The following DNAH10 variants were observed in gnomAD, a reference collection of about 807,000 sequenced individuals.
DNAH10 encodes dynein axonemal heavy chain 10.
Under a neutral mutation model 506.6 loss-of-function variants are expected in DNAH10, and 348 were observed. That is an observed-to-expected ratio of 0.69 (90% CI 0.63 to 0.75). The LOEUF is 0.75. DNAH10 is among the 30% of genes least tolerant of loss of function. The probability of loss-of-function intolerance (pLI) is 0.00; values close to 1 mark genes in which losing one functional copy is unlikely to be tolerated. For missense variants in DNAH10, 5,179 were observed against 5,787.1 expected (o/e 0.89, Z 3.41); for synonymous variants, 2,059 against 2,198.6 (o/e 0.94, Z 1.78).
intron 18 of DNAH10, among the ~76,000 whole-genome samples, chr12:123,806,503 A>C (rs1304844067): frequency 6.6e-6 from 1 of 152,136 alleles, no homozygotes; most frequent in African/African-American, 2.4e-5. Context: ...CCTCACTTTG[A>C]TTTTAGGATC....
rs1157504176 is a variant in DNAH10, at chr12:123,847,250, CTAT to C, written c.5815-710_5815-708del. 5.2e-4 allele frequency among the ~76,000 whole-genome samples: 78 copies of C among 149,978 alleles called. 1 individual carries two copies. In the South Asian group the frequency reaches 0.014, roughly 28 times the overall value. On this transcript the variant is annotated intron_variant, in intron 32 of 78. Coordinates refer to ENST00000673944, the MANE Select transcript of DNAH10 (RefSeq NM_001372106.1). ...TCTATCTATCTATCTATCTATCTAT[CTAT>C]CTATCTATCTATCCATCCATCCATC...
At chr12:123,767,746 G>A in intron 2 of DNAH10, 57 bp downstream of exon 2, 1 of 1,460,452 alleles carries the variant, frequency 6.8e-7, no homozygotes, top group Non-Finnish European at 9.4e-7. Context: ...CCCCGCAGCG[G>A]GAGTAGGGTG....
intron 51 of DNAH10, among the ~76,000 whole-genome samples, chr12:123,884,249 G>T (rs999779380): frequency 6.6e-6 from 1 of 152,184 alleles, no homozygotes; most frequent in Non-Finnish European, 1.5e-5. Flanking sequence ...TGGCCAGGAT[G>T]GTCTTGAACT....
intron 17 of DNAH10, among the ~76,000 whole-genome samples, chr12:123,804,386 G>A (rs1347318765): frequency 2.0e-5 from 3 of 151,982 alleles, no homozygotes; most frequent in Non-Finnish European, 4.4e-5. Context: ...TTAGCTGGGC[G>A]TGGTGGTGGG....
chr12:123,864,502 A>G, intron 39 of DNAH10, 93 bp from the exon 40 acceptor site: 1 of 1,497,198 alleles, frequency 6.7e-7, no homozygotes, highest in Non-Finnish European at 8.9e-7. Flanking sequence ...AACCCTGGGA[A>G]AAAGACATTC....
At position 123,826,611 on chromosome 12, in the gene DNAH10, G is replaced by C. The variant is rs78811483; in HGVS notation, c.4180-76G>C. 2.2e-3 allele frequency: 2,956 copies of C among 1,324,020 alleles called. 40 individuals carry two copies. The African/African-American group carries it at 0.034, about 15-fold the overall frequency. 82.0% of individuals were successfully genotyped at this position (1,324,020 alleles called of 1,614,324 possible). On this transcript the variant is annotated intron_variant, in intron 24 of 78. Coordinates refer to ENST00000673944, the MANE Select transcript of DNAH10 (RefSeq NM_001372106.1). The stretch of plus-strand genomic sequence containing the variant: ...CTTTAAAATATCTGAACGTGACTAA[G>C]AGTCAAGAACTTGCTCTCCTTGTTG...
chr12:123,791,454 C>T (rs980029288), intron 11 of DNAH10, among the ~76,000 whole-genome samples: 4 of 152,220 alleles, frequency 2.6e-5, no homozygotes, highest in African/African-American at 9.6e-5. Context: ...TTTATATGCA[C>T]AACCCTAGAC....
At position 123,893,450 on chromosome 12, in the gene DNAH10, A is replaced by C. The variant is rs1026230014; in HGVS notation, c.9199+14A>C. The C allele has an allele frequency of 2.5e-6, 4 of 1,611,684 alleles. No homozygotes were observed. In the Admixed American group the frequency reaches 5.0e-5, roughly 20 times the overall value. On this transcript the variant is annotated intron_variant, in intron 53 of 78. Transcript: ENST00000673944. ...GAAACTTCCCAGGTACCCGCGGTGG[A>C]GCCTGTGAACCCATTTCCCCTGCTT...
intron 72 of DNAH10, 130 bp downstream of exon 72, chr12:123,929,889 C>CA (rs1955127822): frequency 2.6e-6 from 2 of 772,686 alleles, no homozygotes; most frequent in Non-Finnish European, 4.2e-6. Context: ...GTTTCTGTGA[C>CA]AATTCTCTCT....
At position 123,818,189 on chromosome 12, in the gene DNAH10, C is replaced by T. The variant is rs146082817; in HGVS notation, c.3781-761C>T. ...CTTGAACGCCTGACCTCAGGTGATC[C>T]GCCTGTCTCAGCCTCCCAAAGTGCT... On this transcript the variant is annotated intron_variant, in intron 21 of 78. Coordinates refer to ENST00000673944, the MANE Select transcript of DNAH10 (RefSeq NM_001372106.1). Among the ~76,000 whole-genome samples the T allele has an allele frequency of 1.8e-4, 28 of 152,194 alleles. No homozygotes were observed. In the East Asian group the frequency reaches 2.9e-3, roughly 16 times the overall value.
At chr12:123,880,406 C>T (rs994273122) in intron 50 of DNAH10, among the ~76,000 whole-genome samples, 6 of 152,162 alleles carry the variant, frequency 3.9e-5, no homozygotes, top group African/African-American at 1.4e-4. Flanking sequence ...GTGGTACGAT[C>T]ACGGCTCTCT....
rs1017259449 is a variant in DNAH10, at chr12:123,919,139, G to C, written c.11506+190G>C. ...CACCCAGGCTGGAATGCAGTGGTGC[G>C]ATCACGGCTCACTGCAACCTCCACC... On this transcript the variant is annotated intron_variant, in intron 65 of 78. Transcript: ENST00000673944. The surrounding 1 kb of genome is among the most constrained non-coding windows in gnomAD (Gnocchi z 4.9). 1.5e-6 allele frequency: 1 copy of C among 676,048 alleles called. No homozygotes were observed. The highest frequency in any genetic ancestry group is 3.0e-5 in the East Asian group (1 of 33,872). The allele number at this position is 676,048 out of a possible 1,614,324, so 41.9% of individuals were successfully genotyped here.
rs373874917 is a variant in DNAH10 at position 123,845,623 on chromosome 12, A to G, written c.5384A>G (p.Gln1795Arg). The part of the protein sequence containing the change: ...RSRVDWMLLY[Q>R]GMVVLAASQV... Reference sequence around the variant, plus strand: ...AGAGTCGACTGGATGCTCCTGTACCAGGGCATGGTGGTGCTGGCCGCTAGC... The same window carrying G: ...AGAGTCGACTGGATGCTCCTGTACCGGGGCATGGTGGTGCTGGCCGCTAGC... The change falls in exon 31 of 79, where the codon CAG becomes CGG. Residue 1795 changes from glutamine to arginine, a missense_variant. Physicochemically the swap from Gln to Arg is conservative, Grantham distance 43 (BLOSUM62 1). This residue lies in a region of DNAH10 where 4,844 missense variants were observed against 5,430.5 expected (regional missense o/e 0.89). Coordinates refer to ENST00000673944, the MANE Select transcript of DNAH10 (RefSeq NM_001372106.1). 133 of 1,613,210 alleles carry G rather than the reference A, an allele frequency of 8.2e-5. No individual in the cohort carries two copies. The highest frequency in any genetic ancestry group is 1.1e-4 in the Non-Finnish European group (128 of 1,179,882).
Position 123,917,641 on chromosome 12 carries a change from G to C in DNAH10, c.11060G>C (p.Arg3687Pro). Residue 3687 changes from arginine (R) to proline (P), a missense_variant, in exon 64 of 79, where the codon CGG becomes CCG. Arg to Pro is a moderately radical substitution (Grantham distance 103). Coordinates refer to ENST00000673944, the MANE Select transcript of DNAH10 (RefSeq NM_001372106.1). This position sits in a 1 kb window ranked among gnomAD's most constrained non-coding sequence, Gnocchi z 5.6. ...LLSVLVAYER[R>P]ELEEQREHLI... The stretch of plus-strand genomic sequence containing the variant: ...AGCGTGCTGGTGGCTTACGAGAGGC[G>C]GGAGCTGGAGGAGCAGCGGGAGCAC... 1 of 1,551,678 alleles carries C rather than the reference G, an allele frequency of 6.4e-7. No homozygotes were observed. The highest frequency in any genetic ancestry group is 8.7e-7 in the Non-Finnish European group (1 of 1,147,064).
At chr12:123,877,499 A>G (rs1235761083) in intron 47 of DNAH10, among the ~76,000 whole-genome samples, 2 of 152,170 alleles carry the variant, frequency 1.3e-5, no homozygotes, top group Admixed American at 1.3e-4. Context: ...TTATTTTAAT[A>G]GAGATGGGGT....
chr12:123,886,454 C>T (rs1952730704), intron 51 of DNAH10, among the ~76,000 whole-genome samples: 1 of 151,766 alleles, frequency 6.6e-6, no homozygotes, highest in South Asian at 2.1e-4. Flanking sequence ...GGCCAGAAGG[C>T]ATCCTGGTTG....
Position 123,929,319 on chromosome 12 carries a change from AACTTACTTCAAGAT to A in DNAH10, c.12352_12365del (p.Thr4118LeufsTer43). ...ATGGGCTGAAACTCAACATGAGGGC[AACTTACTTCAAGAT>A]CTCTCACGAAATGCTGGACCAGTGC... On this transcript the variant is annotated frameshift_variant, in exon 71 of 79. Coordinates refer to ENST00000673944, the MANE Select transcript of DNAH10 (RefSeq NM_001372106.1). LOFTEE classifies it high-confidence loss of function. 2 of 1,606,098 alleles carry A rather than the reference AACTTACTTCAAGAT, an allele frequency of 1.2e-6. No homozygotes were observed. The highest frequency in any genetic ancestry group is 1.7e-6 in the Non-Finnish European group (2 of 1,176,386).
chr12:123,837,441 A>T (rs920531484), intron 28 of DNAH10, among the ~76,000 whole-genome samples: 9 of 152,072 alleles, frequency 5.9e-5, no homozygotes, highest in Non-Finnish European at 1.0e-4. Flanking sequence ...AAAAGAAAGG[A>T]AGAAAAAAAT....
chr12:123,918,142 G>A (rs565617150), intron 64 of DNAH10, among the ~76,000 whole-genome samples: 54 of 152,364 alleles, frequency 3.5e-4, no homozygotes, highest in African/African-American at 1.2e-3. Context: ...AATACCAGGA[G>A]GACCTGGTTT....
Sources: gnomAD v4.1 joint callset for allele counts (sites outside exome capture counted in the v4.1 genomes callset) on GRCh38, gnomAD v4.1.1 for gene constraint, gnomAD v4.1.1 regional missense constraint, Gnocchi (gnomAD v3.1) non-coding constraint, MANE v1.5 for transcripts, NCBI Gene and HGNC (gene_info 2026-07-23, HGNC 2026-07-21) for gene names.